The following CDH12 variants were observed in gnomAD, a reference collection of about 807,000 sequenced individuals.
CDH12 encodes the protein cadherin-12.
Under a neutral mutation model 74.1 loss-of-function variants are expected in CDH12, and 41 were observed. The observed-to-expected ratio is 0.55, with a 90% CI of 0.43 to 0.72. The LOEUF is 0.72. CDH12 is among the 30% of genes least tolerant of loss of function. The probability of loss-of-function intolerance (pLI) is 0.00; values close to 1 mark genes in which losing one functional copy is unlikely to be tolerated. For missense variants in CDH12, 945 were observed against 977.2 expected (o/e 0.97, Z 0.44); for synonymous variants, 399 against 355.0 (o/e 1.12, Z -1.39).
At chr5:22,233,529 T>C (rs1752461793) in intron 3 of CDH12, among the ~76,000 whole-genome samples, 1 of 152,114 alleles carries the variant, frequency 6.6e-6, no homozygotes, top group African/African-American at 2.4e-5. Context: ...AAAAATGTCA[T>C]CAGTAAGTCA....
In CDH12 at chr5:22,057,999, TTCTATCTATCTA is replaced by T. The variant is rs79909356; in HGVS notation, c.231+20435_231+20446del. On this transcript the variant is annotated intron_variant, in intron 5 of 14. Transcript: ENST00000382254. The stretch of plus-strand genomic sequence containing the variant: ...TTTTCAAAGTTTAGTTTTCCTTGTA[TTCTATCTATCTA>T]TCTATCTATCTATCTATCTATCTAT... 2.6e-3 allele frequency among the ~76,000 whole-genome samples: 381 copies of T among 149,368 alleles called. 2 individuals carry two copies. Among genetic ancestry groups the T allele is most frequent in the African/African-American group, 5.0e-3 (202 of 40,546 alleles).
intron 6 of CDH12, among the ~76,000 whole-genome samples, chr5:21,860,001 G>GTCAC (rs1750950157): frequency 6.6e-6 from 1 of 151,726 alleles, no homozygotes; most frequent in Admixed American, 6.6e-5. Context: ...GAAGGTTTGG[G>GTCAC]TCACTCCACC....
chr5:22,223,036 C>G (rs1752074095), intron 3 of CDH12, among the ~76,000 whole-genome samples: 1 of 151,734 alleles, frequency 6.6e-6, no homozygotes, highest in East Asian at 1.9e-4. Context: ...GAGAAAAATT[C>G]AAGCTGTTCT....
At chr5:22,740,405 A>G (rs1159818983) in intron 1 of CDH12, among the ~76,000 whole-genome samples, 1 of 151,794 alleles carries the variant, frequency 6.6e-6, no homozygotes. Flanking sequence ...TATCTTCTCC[A>G]GTTATAGATT....
intron 1 of CDH12, among the ~76,000 whole-genome samples, chr5:22,642,898 G>T (rs989827854): frequency 6.6e-6 from 1 of 151,986 alleles, no homozygotes; most frequent in African/African-American, 2.4e-5. Flanking sequence ...TACTATTCTG[G>T]TTTTTGTCTC....
chr5:21,961,588 G>A (rs1580025231), intron 6 of CDH12, among the ~76,000 whole-genome samples: 2 of 152,084 alleles, frequency 1.3e-5, no homozygotes, highest in African/African-American at 2.4e-5. Flanking sequence ...AAGTCAAAAT[G>A]GGATCATTAG....
intron 2 of CDH12, among the ~76,000 whole-genome samples, chr5:22,502,703 A>G (rs1736224721): frequency 6.6e-6 from 1 of 151,856 alleles, no homozygotes; most frequent in African/African-American, 2.4e-5. Context: ...ATTCTTCTAC[A>G]TTCAAAAGCA....
At chr5:22,548,680 C>G (rs1738435776) in intron 1 of CDH12, among the ~76,000 whole-genome samples, 1 of 151,846 alleles carries the variant, frequency 6.6e-6, no homozygotes, top group Admixed American at 6.6e-5. Context: ...CATATCCGAC[C>G]CACCTATGGG....
intron 1 of CDH12, among the ~76,000 whole-genome samples, chr5:22,831,088 G>T (rs1188710347): frequency 6.6e-6 from 1 of 151,902 alleles, no homozygotes; most frequent in African/African-American, 2.4e-5. Context: ...GAATAAATCA[G>T]TTCCTACTGA....
chr5:21,771,013 G>A (rs564440955), intron 11 of CDH12, among the ~76,000 whole-genome samples: 284 of 152,194 alleles, frequency 1.9e-3, no homozygotes, highest in African/African-American at 4.8e-3. Flanking sequence ...TAAACTTTGA[G>A]TACATATGAA....
chr5:22,832,604 G>A lies in CDH12; in HGVS notation c.-523+20454C>T, dbSNP rs574698485. On this transcript the variant is annotated intron_variant, in intron 1 of 14. Transcript: ENST00000382254. ...AAGCCAGAAAGAAATAGATATATAA[G>A]GATAAAGAAGTATTTTAAAAGTTTA... 2.0e-3 allele frequency among the ~76,000 whole-genome samples: 300 copies of A among 152,028 alleles called. 2 individuals are homozygous for A. Among genetic ancestry groups the A allele is most frequent in the African/African-American group, 7.1e-3 (294 of 41,472 alleles).
intron 1 of CDH12, among the ~76,000 whole-genome samples, chr5:22,529,224 GAA>G (rs1737472993): frequency 5.7e-5 from 8 of 139,544 alleles, no homozygotes; most frequent in African/African-American, 1.9e-4. Context: ...GAGAGAGAGA[GAA>G]GAGAGAGAGA....
chr5:22,580,615 T>A, intron 1 of CDH12: 1 of 484,730 alleles, frequency 2.1e-6, no homozygotes, highest in Non-Finnish European at 4.2e-6. Context: ...CTGAAGTACA[T>A]ACCCCACATA....
At chr5:22,090,604 CAT>C (rs1176247249) in intron 4 of CDH12, among the ~76,000 whole-genome samples, 6 of 129,070 alleles carry the variant, frequency 4.6e-5, no homozygotes, top group South Asian at 2.4e-4. Context: ...CACATACATA[CAT>C]ACACACACAC....
chr5:22,437,450 G>C (rs1191248237), intron 2 of CDH12, among the ~76,000 whole-genome samples: 1 of 150,394 alleles, frequency 6.6e-6, no homozygotes, highest in Non-Finnish European at 1.5e-5. Flanking sequence ...TAGTCTTAGC[G>C]GCCACATTAC....
chr5:22,048,806 C>T (rs1740144067), intron 5 of CDH12, among the ~76,000 whole-genome samples: 1 of 151,936 alleles, frequency 6.6e-6, no homozygotes, highest in Admixed American at 6.6e-5. Context: ...AGTGTCAGAA[C>T]TATTTGCAGA....
intron 5 of CDH12, among the ~76,000 whole-genome samples, chr5:22,038,048 C>G (rs1309606903): frequency 6.6e-6 from 1 of 152,184 alleles, no homozygotes; most frequent in East Asian, 1.9e-4. Flanking sequence ...GCTGAGGAAG[C>G]TTCTGGAGTC....
chr5:22,466,776 C>CTTTTTTTTT lies in CDH12; in HGVS notation c.-428+38485_-428+38493dup, dbSNP rs70959733. Among the ~76,000 whole-genome samples the CTTTTTTTTT allele has an allele frequency of 9.8e-5, 5 of 50,996 alleles. 1 individual carries two copies. The highest frequency in any genetic ancestry group is 1.1e-3 in the South Asian group (1 of 940). The allele number at this position is 50,996 out of a possible 152,430, so 33.5% of individuals were successfully genotyped here. A position where few individuals can be genotyped will look rare whatever the true frequency, so the allele number is the denominator to read the frequency against. The stretch of plus-strand genomic sequence containing the variant: ...AAATGAGGCATGGCTCCTCAGGAAT[C>CTTTTTTTTT]TTTTTTTTTTTTTTTTTTTTTTTTT... On this transcript the variant is annotated intron_variant, in intron 2 of 14. Transcript: ENST00000382254.
intron 1 of CDH12, among the ~76,000 whole-genome samples, chr5:22,632,021 C>T (rs1738611370): frequency 1.3e-5 from 2 of 152,052 alleles, no homozygotes; most frequent in African/African-American, 4.8e-5. Context: ...ATCCAAATAA[C>T]ATCAACAAAG....
Sources: gnomAD v4.1 joint callset for allele counts (sites outside exome capture counted in the v4.1 genomes callset) on GRCh38, gnomAD v4.1.1 for gene constraint, MANE v1.5 for transcripts, NCBI Gene and HGNC (gene_info 2026-07-23, HGNC 2026-07-21) for gene names.